The following SCUBE1 variants were observed in gnomAD, a reference collection of about 807,000 sequenced individuals.
The protein encoded by SCUBE1 is signal peptide, CUB domain and EGF like domain containing 1.
In SCUBE1, 59 loss-of-function variants were observed where a neutral mutation model predicts 124.4. The ratio of observed to expected loss-of-function variants is 0.47; its 90% CI spans 0.38 to 0.59. The LOEUF (loss-of-function observed/expected upper bound fraction) is 0.59, where lower values mean the gene tolerates loss of function less well. Among genes scored for constraint, SCUBE1 ranks in the 20% least tolerant of loss-of-function variants. The probability of loss-of-function intolerance (pLI) is 0.00; values close to 1 mark genes in which losing one functional copy is unlikely to be tolerated. For missense variants in SCUBE1, 1,150 were observed against 1,371.2 expected, an observed-to-expected ratio of 0.84 and a Z score of 2.55; for synonymous variants, 545 against 550.9, an observed-to-expected ratio of 0.99 and a Z score of 0.15.
chr22:43,211,127 AG>A lies in SCUBE1; in HGVS notation c.2222-45del, dbSNP rs1362323193. ...CAGTGTGGTGGGTGTGGAGGGGTGCAGGGAAAGGGCAGCACTGGGGTGCTGT... is the reference window on the plus strand; with the variant it reads ...CAGTGTGGTGGGTGTGGAGGGGTGCAGGAAAGGGCAGCACTGGGGTGCTGT... On this transcript the variant is annotated intron_variant, in intron 17 of 21. Transcript: ENST00000360835. The surrounding 1 kb of genome is among the most constrained non-coding windows in gnomAD (Gnocchi z 4.5). The A allele has an allele frequency of 1.9e-6, 3 of 1,568,494 alleles. No individual in the cohort carries two copies. Among genetic ancestry groups the A allele is most frequent in the Non-Finnish European group, 2.6e-6 (3 of 1,154,520 alleles).
At position 43,223,379 on chromosome 22, in the gene SCUBE1, C is replaced by A. The variant is rs570483168; in HGVS notation, c.1208-163G>T. Among the ~76,000 whole-genome samples, 3 of 152,126 alleles carry A rather than the reference C, an allele frequency of 2.0e-5. No individual in the cohort carries two copies. The South Asian group carries it at 6.2e-4, about 32-fold the overall frequency. On this transcript the variant is annotated intron_variant, in intron 10 of 21. Coordinates refer to ENST00000360835, the MANE Select transcript of SCUBE1 (RefSeq NM_173050.5). ...GCCTGGAGATCGCAGGTCCCTTGGG[C>A]GTGTGGGGATGCTGGGCCCAGACAG...
chr22:43,336,955 GTC>G (rs200967533), intron 2 of SCUBE1, among the ~76,000 whole-genome samples: 1 of 140,082 alleles, frequency 7.1e-6, no homozygotes, highest in Non-Finnish European at 1.6e-5. Flanking sequence ...CTGTGTGTAT[GTC>G]TGTGTGTGTG....
At chr22:43,333,077 T>G (rs1186497423) in intron 2 of SCUBE1, among the ~76,000 whole-genome samples, 1 of 152,146 alleles carries the variant, frequency 6.6e-6, no homozygotes, top group Non-Finnish European at 1.5e-5. Flanking sequence ...CTAAGTGCAG[T>G]GTGGCATGGG....
chr22:43,278,800 T>C (rs939251099), intron 4 of SCUBE1, among the ~76,000 whole-genome samples: 1 of 152,106 alleles, frequency 6.6e-6, no homozygotes, highest in African/African-American at 2.4e-5. Context: ...CATTAGTACT[T>C]ATCCAAAGCA....
chr22:43,276,268 A>C (rs892814389), intron 4 of SCUBE1, among the ~76,000 whole-genome samples: 4 of 152,218 alleles, frequency 2.6e-5, no homozygotes, highest in African/African-American at 9.6e-5. Context: ...AAGGAGACTC[A>C]AGAAGCTTAG....
rs1009590443 is a variant in SCUBE1 at position 43,287,508 on chromosome 22, C to T, written c.484+3538G>A. 4.6e-5 allele frequency among the ~76,000 whole-genome samples: 7 copies of T among 152,360 alleles called. No homozygotes were observed. In the East Asian group the frequency reaches 9.6e-4, roughly 21 times the overall value. ...CAGCCATGCCTTGGCCCAGGGTGTG[C>T]TCTGGCGCCTAGAAAGCAGGGCCAC... On this transcript the variant is annotated intron_variant, in intron 4 of 21. Transcript: ENST00000360835.
At chr22:43,321,190 G>T (rs1172176605) in intron 2 of SCUBE1, among the ~76,000 whole-genome samples, 2 of 152,224 alleles carry the variant, frequency 1.3e-5, no homozygotes, top group African/African-American at 4.8e-5. Flanking sequence ...CTCCCCTATA[G>T]TGTAGAAGAG....
chr22:43,273,182 T>C (rs1924358592), intron 4 of SCUBE1, among the ~76,000 whole-genome samples: 1 of 152,228 alleles, frequency 6.6e-6, no homozygotes, highest in Non-Finnish European at 1.5e-5. Context: ...TGCGGTTCAC[T>C]GGCAGGCACG....
rs1196988033 is a variant in SCUBE1, at chr22:43,229,007, T to C, written c.1084+65A>G. ...CAGGGTTGGGATGCGGGGTGCAGTG[T>C]AGGTGGCCGTGCGGCCAGGCGCGTG... is the stretch of plus-strand genomic sequence containing the variant. On this transcript the variant is annotated intron_variant, in intron 9 of 21. Transcript: ENST00000360835. 3.5e-6 allele frequency: 4 copies of C among 1,152,904 alleles called. No individual in the cohort carries two copies. The African/African-American group carries it at 4.6e-5, about 13-fold the overall frequency. 71.4% of individuals were successfully genotyped at this position (1,152,904 alleles called of 1,614,324 possible). A position where few individuals can be genotyped will look rare whatever the true frequency, so the allele number is the denominator to read the frequency against.
At chr22:43,330,432 A>G (rs1398502468) in intron 2 of SCUBE1, among the ~76,000 whole-genome samples, 1 of 152,186 alleles carries the variant, frequency 6.6e-6, no homozygotes, top group Non-Finnish European at 1.5e-5. Context: ...CACTTTCTCT[A>G]CTTCATCCTG....
chr22:43,209,965 C>T, intron 19 of SCUBE1, 78 bp downstream of exon 19: 1 of 1,462,700 alleles, frequency 6.8e-7, no homozygotes, highest in Non-Finnish European at 9.2e-7. Flanking sequence ...GGCAGCGATC[C>T]CGCCTGGCAG....
intron 4 of SCUBE1, among the ~76,000 whole-genome samples, chr22:43,266,313 A>G (rs1441072433): frequency 5.3e-5 from 8 of 151,938 alleles, no homozygotes. Context: ...TTGGGGGAGC[A>G]TCACTATCAC....
In SCUBE1 at chr22:43,238,958, G is replaced by C. The variant is rs755679856; in HGVS notation, c.728-4C>G. 4 of 1,605,394 alleles carry C rather than the reference G, an allele frequency of 2.5e-6. No individual in the cohort carries two copies. The highest frequency in any genetic ancestry group is 2.6e-6 in the Non-Finnish European group (3 of 1,173,292). On this transcript the variant is annotated splice_polypyrimidine_tract_variant and splice_region_variant and intron_variant, in intron 6 of 21. Transcript: ENST00000360835. ...CCGTTATTGACTGCGCACGTCTCTG[G>C]GGAGGGAAAGAGACAGAGACCTCAG...
intron 4 of SCUBE1, among the ~76,000 whole-genome samples, chr22:43,288,112 C>A (rs1925216274): frequency 6.6e-6 from 1 of 152,164 alleles, no homozygotes; most frequent in African/African-American, 2.4e-5. Flanking sequence ...CAGGAGAGGC[C>A]ACACAAAAAT....
At chr22:43,284,568 T>C (rs999811028) in intron 4 of SCUBE1, among the ~76,000 whole-genome samples, 3 of 152,336 alleles carry the variant, frequency 2.0e-5, no homozygotes, top group South Asian at 4.1e-4. Context: ...TGGGGCCAGA[T>C]TGGCAGACCT....
intron 12 of SCUBE1, among the ~76,000 whole-genome samples, chr22:43,222,043 G>A (rs574202577): frequency 5.3e-5 from 8 of 152,144 alleles, no homozygotes; most frequent in Non-Finnish European, 8.8e-5. Flanking sequence ...CAGCCTGGGT[G>A]ACAGAGCGAG....
At chr22:43,330,062 G>GAA (rs142134054) in intron 2 of SCUBE1, among the ~76,000 whole-genome samples, 1 of 140,184 alleles carries the variant, frequency 7.1e-6, no homozygotes, top group African/African-American at 2.6e-5. Flanking sequence ...GGGAATTAGA[G>GAA]AAAAAAAAAA....
At chr22:43,342,218 G>C (rs908688298) in intron 1 of SCUBE1, among the ~76,000 whole-genome samples, 92 of 106,998 alleles carry the variant, frequency 8.6e-4, no homozygotes, top group Non-Finnish European at 7.4e-4. Flanking sequence ...CCAGCTTTTC[G>C]GGAAGCCCCT....
intron 3 of SCUBE1, among the ~76,000 whole-genome samples, chr22:43,293,384 G>A (rs929237371): frequency 6.6e-6 from 1 of 152,270 alleles, no homozygotes; most frequent in South Asian, 2.1e-4. Context: ...GCACACCAGA[G>A]TGAAGGCGGG....
Sources: allele counts gnomAD v4.1 joint callset (sites outside exome capture counted in the v4.1 genomes callset), GRCh38; gene constraint gnomAD v4.1.1; non-coding constraint Gnocchi (gnomAD v3.1); transcripts MANE v1.5; gene names NCBI Gene and HGNC (gene_info 2026-07-23, HGNC 2026-07-21).